Variants in GRIK4 observed in about 807,000 individuals in gnomAD.
GRIK4 encodes glutamate ionotropic receptor kainate type subunit 4.
A neutral mutation model predicts 104.9 loss-of-function variants in GRIK4; 40 were observed. The ratio of observed to expected loss-of-function variants is 0.38; its 90% CI spans 0.30 to 0.50. The LOEUF (loss-of-function observed/expected upper bound fraction) is 0.50. GRIK4 is among the 20% of genes least tolerant of loss of function. The probability of loss-of-function intolerance (pLI) is 0.93; values close to 1 mark genes in which losing one functional copy is unlikely to be tolerated. For missense variants in GRIK4, 1,047 were observed against 1,308.1 expected, an observed-to-expected ratio of 0.80 and a Z score of 3.08; for synonymous variants, 485 against 524.9, an observed-to-expected ratio of 0.92 and a Z score of 1.04.
intron 6 of GRIK4, among the ~76,000 whole-genome samples, chr11:120,822,109 G>T (rs1321334505): frequency 6.6e-6 from 1 of 151,062 alleles, no homozygotes; most frequent in African/African-American, 2.4e-5. Context: ...TACTTGGGAG[G>T]CTGAGACACG....
In GRIK4 at chr11:120,511,764, C is replaced by A; in HGVS notation, c.-282C>A. ...GCCGGACACAGACTGCCTTCAGCTGCGGGCGGATCGGGCTGGAGCCGCCAC... is the reference window on the plus strand; with the variant it reads ...GCCGGACACAGACTGCCTTCAGCTGAGGGCGGATCGGGCTGGAGCCGCCAC... On this transcript the variant is annotated 5_prime_UTR_variant, in exon 1 of 21. Transcript: ENST00000527524. 1 of 338,044 alleles carries A rather than the reference C, an allele frequency of 3.0e-6. No homozygotes were observed. The highest frequency in any genetic ancestry group is 2.0e-5 in the South Asian group (1 of 49,214). The allele number at this position is 338,044 out of a possible 1,614,324, so 20.9% of individuals were successfully genotyped here.
rs143531809 is a variant in GRIK4 at position 120,967,269 on chromosome 11, C to A, written c.2341C>A (p.Arg781Ser). 2 of 1,613,584 alleles carry A rather than the reference C, an allele frequency of 1.2e-6. No homozygotes were observed. Among genetic ancestry groups the A allele is most frequent in the African/African-American group, 2.7e-5 (2 of 74,890 alleles). Residue 781 changes from arginine (R) to serine (S), a missense_variant, in exon 19 of 21, where the codon CGC (arginine) becomes AGC (serine). This residue lies in a region of GRIK4 where 440 missense variants were observed against 652.3 expected (regional missense o/e 0.67). Coordinates refer to ENST00000527524, the MANE Select transcript of GRIK4 (RefSeq NM_014619.5). The surrounding 1 kb of genome is among the most constrained non-coding windows in gnomAD (Gnocchi z 4.2). ...QENNRLEILK[R>S]KWWEGGKCPK... The stretch of plus-strand genomic sequence containing the variant: ...GAACAACCGCCTGGAGATCCTGAAG[C>A]GCAAATGGTGGGAAGGAGGGAAGTG...
chr11:120,962,321 A>G lies in GRIK4; in HGVS notation c.2041-135A>G, dbSNP rs148485570. The G allele has an allele frequency of 1.1e-3, 659 of 617,920 alleles. 3 individuals are homozygous for G. The African/African-American group carries it at 0.011, about 10-fold the overall frequency. The allele number at this position is 617,920 out of a possible 1,614,324, so 38.3% of individuals were successfully genotyped here. On this transcript the variant is annotated intron_variant, in intron 17 of 20. Coordinates refer to ENST00000527524, the MANE Select transcript of GRIK4 (RefSeq NM_014619.5). Reference sequence around the variant, plus strand: ...CTTGTGTTGAGAGACAGAAAGGGAAAAGGTTCTTGACTGTGATCAGCGGGT... The same window carrying G: ...CTTGTGTTGAGAGACAGAAAGGGAAGAGGTTCTTGACTGTGATCAGCGGGT...
intron 14 of GRIK4, among the ~76,000 whole-genome samples, chr11:120,941,511 G>A (rs902174812): frequency 6.6e-6 from 1 of 152,134 alleles, no homozygotes; most frequent in Admixed American, 6.5e-5. Context: ...CAAAATATAT[G>A]TTGAATTTCT....
intron 3 of GRIK4, among the ~76,000 whole-genome samples, chr11:120,681,017 G>A (rs547620761): frequency 1.1e-4 from 16 of 152,272 alleles, no homozygotes; most frequent in African/African-American, 3.6e-4. Context: ...CCTGATGCCC[G>A]ACTCCACCCA....
chr11:120,660,412 C>T lies in GRIK4; in HGVS notation c.82+12C>T. ...CTCCTTGAGGATCGGTAAGTGTGGC[C>T]CAGCTTGGGGCAGTGCCCCCACCCA... On this transcript the variant is annotated intron_variant, in intron 3 of 20. Coordinates refer to ENST00000527524, the MANE Select transcript of GRIK4 (RefSeq NM_014619.5). 1 of 1,603,774 alleles carries T rather than the reference C, an allele frequency of 6.2e-7. No individual in the cohort carries two copies. The highest frequency in any genetic ancestry group is 8.5e-7 in the Non-Finnish European group (1 of 1,172,894).
intron 3 of GRIK4, among the ~76,000 whole-genome samples, chr11:120,685,136 A>T (rs1238056696): frequency 6.6e-6 from 1 of 152,180 alleles, no homozygotes; most frequent in East Asian, 1.9e-4. Context: ...CTTAGTCTTC[A>T]GGTACTGGAA....
At chr11:120,965,172 A>G (rs1944362080) in intron 18 of GRIK4, among the ~76,000 whole-genome samples, 1 of 152,254 alleles carries the variant, frequency 6.6e-6, no homozygotes, top group African/African-American at 2.4e-5. Context: ...AGACAGAACA[A>G]GGAACAAGAT....
At chr11:120,533,386 G>C (rs902702536) in intron 1 of GRIK4, among the ~76,000 whole-genome samples, 3 of 152,216 alleles carry the variant, frequency 2.0e-5, no homozygotes, top group African/African-American at 7.2e-5. Context: ...TAACAACCCT[G>C]CATACAGGTA....
intron 3 of GRIK4, among the ~76,000 whole-genome samples, chr11:120,801,826 AT>A (rs1294631262): frequency 1.3e-5 from 2 of 152,138 alleles, no homozygotes; most frequent in African/African-American, 4.8e-5. Flanking sequence ...CCCATGCCAT[AT>A]CTTGTAATCT....
rs755110707 is a variant in GRIK4, at chr11:120,940,313, C to T, written c.1477-34C>T. On this transcript the variant is annotated intron_variant, in intron 13 of 20. Transcript: ENST00000527524. The surrounding 1 kb of genome is among the most constrained non-coding windows in gnomAD (Gnocchi z 4.3). ...GTCTCTGTGCCTCTTCTCCTATGGCCACCCCACTGACGGGCTGTCTCTGTT... is the reference window on the plus strand; with the variant it reads ...GTCTCTGTGCCTCTTCTCCTATGGCTACCCCACTGACGGGCTGTCTCTGTT... The T allele has an allele frequency of 3.7e-6, 5 of 1,347,930 alleles. No homozygotes were observed. Among genetic ancestry groups the T allele is most frequent in the Admixed American group, 3.5e-5 (2 of 57,360 alleles). The allele number at this position is 1,347,930 out of a possible 1,614,324, so 83.5% of individuals were successfully genotyped here.
At chr11:120,630,120 C>G (rs1379286412) in intron 1 of GRIK4, among the ~76,000 whole-genome samples, 1 of 152,180 alleles carries the variant, frequency 6.6e-6, no homozygotes, top group Admixed American at 6.5e-5. Flanking sequence ...GGAAGGGTTT[C>G]CTCTCTTCCT....
chr11:120,975,239 G>T (rs530952009), intron 19 of GRIK4, among the ~76,000 whole-genome samples: 2 of 152,280 alleles, frequency 1.3e-5, no homozygotes, highest in African/African-American at 4.8e-5. Context: ...TAGCAAGAGT[G>T]GGGGTGAGTG....
rs147583425 is a variant in GRIK4, at chr11:120,651,578, G to A, written c.-158-2107G>A. ...ATGTACCCACAGTTGTAGTGCTCAG[G>A]GAACGTCCTCCCCTCAAGTTGGACC... On this transcript the variant is annotated intron_variant, in intron 1 of 20. Transcript: ENST00000527524. 2.7e-3 allele frequency among the ~76,000 whole-genome samples: 416 copies of A among 152,278 alleles called. 4 individuals are homozygous for A. Among genetic ancestry groups the A allele is most frequent in the African/African-American group, 9.9e-3 (410 of 41,564 alleles).
At chr11:120,834,354 T>G (rs4936559) in intron 7 of GRIK4, among the ~76,000 whole-genome samples, 1 of 151,456 alleles carries the variant, frequency 6.6e-6, no homozygotes, top group African/African-American at 2.4e-5. Context: ...TATTAGCAAA[T>G]GGTTCTGCTC....
At position 120,759,515 on chromosome 11, in the gene GRIK4, T is replaced by TA. The variant is rs200285633; in HGVS notation, c.83-43178_83-43177insA. ...ATTGTATTGTGGGCTATCAGTAGCA[T>TA]TTTTTTTTTTTCAAGTCTAACATGA... On this transcript the variant is annotated intron_variant, in intron 3 of 20. Coordinates refer to ENST00000527524, the MANE Select transcript of GRIK4 (RefSeq NM_014619.5). Among the ~76,000 whole-genome samples, 689 of 146,176 alleles carry TA rather than the reference T, an allele frequency of 4.7e-3. 6 individuals carry two copies. The highest frequency in any genetic ancestry group is 0.017 in the African/African-American group (661 of 39,834).
At chr11:120,585,854 G>C (rs1387286393) in intron 1 of GRIK4, among the ~76,000 whole-genome samples, 1 of 152,108 alleles carries the variant, frequency 6.6e-6, no homozygotes, top group Non-Finnish European at 1.5e-5. Flanking sequence ...CATGAAGGAG[G>C]GGGAGGAACT....
At chr11:120,837,805 G>A (rs772762005) in intron 8 of GRIK4, among the ~76,000 whole-genome samples, 10 of 152,132 alleles carry the variant, frequency 6.6e-5, no homozygotes, top group African/African-American at 4.8e-5. Context: ...GGAGGCATCT[G>A]GGGGAGCCTG....
chr11:120,656,132 T>C (rs1949706910), intron 2 of GRIK4, among the ~76,000 whole-genome samples: 1 of 152,256 alleles, frequency 6.6e-6, no homozygotes, highest in African/African-American at 2.4e-5. Flanking sequence ...TAATAAAGGA[T>C]GCATTATTAG....
Sources: gnomAD v4.1 joint callset for allele counts (sites outside exome capture counted in the v4.1 genomes callset) on GRCh38, gnomAD v4.1.1 for gene constraint, gnomAD v4.1.1 regional missense constraint, Gnocchi (gnomAD v3.1) non-coding constraint, MANE v1.5 for transcripts, NCBI Gene and HGNC (gene_info 2026-07-23, HGNC 2026-07-21) for gene names.